The following PCDHGC5 variants were observed in gnomAD, a reference collection of about 807,000 sequenced individuals.
PCDHGC5 encodes the protein protocadherin gamma-C5.
PCDHGC5 carries 25 observed loss-of-function variants against 59.0 expected under a neutral mutation model. The observed-to-expected ratio is 0.42, with a 90% CI of 0.31 to 0.59. The LOEUF (loss-of-function observed/expected upper bound fraction) is 0.59. Among genes scored for constraint, PCDHGC5 ranks in the 20% least tolerant of loss-of-function variants. The pLI is 0.13. For missense variants in PCDHGC5, 1,067 were observed against 1,206.4 expected, an observed-to-expected ratio of 0.88 and a Z score of 1.71; for synonymous variants, 434 against 505.5, an observed-to-expected ratio of 0.86 and a Z score of 1.90.
At chr5:141,510,795 G>A in intron 3 of PCDHGC5, 152 bp from the exon 4 acceptor site, 6 of 1,465,214 alleles carry the variant, frequency 4.1e-6, no homozygotes, top group Non-Finnish European at 5.5e-6. Context: ...CTTGTGAAGA[G>A]AGACTACCTT....
At position 141,494,852 on chromosome 5, in the gene PCDHGC5, C is replaced by T. The variant is rs755464933; in HGVS notation, c.2506C>T (p.Pro836Ser). ...TDWRFSQAQR[P>S]GTSGSQNGDD... is the part of the protein sequence containing the mutation. Reference sequence around the variant, plus strand: ...CTGGCGTTTCTCTCAGGCCCAGAGACCCGGCACCAGCGGGTAGGTGACTGA... The same window carrying T: ...CTGGCGTTTCTCTCAGGCCCAGAGATCCGGCACCAGCGGGTAGGTGACTGA... The change falls in exon 2 of 4, where the codon CCC (proline) becomes TCC (serine). Residue 836 changes from proline (P) to serine (S), a missense_variant. Coordinates refer to ENST00000252087, the MANE Select transcript of PCDHGC5 (RefSeq NM_018929.3). 6 of 1,614,042 alleles carry T rather than the reference C, an allele frequency of 3.7e-6. No homozygotes were observed. Among genetic ancestry groups the T allele is most frequent in the Admixed American group, 1.7e-5 (1 of 60,000 alleles).
intron 2 of PCDHGC5, among the ~76,000 whole-genome samples, chr5:141,502,537 G>A (rs900570745): frequency 2.0e-5 from 3 of 152,042 alleles, no homozygotes; most frequent in Admixed American, 6.6e-5. Context: ...GTTTGTTCGT[G>A]TGGTAAAAAC....
Position 141,491,045 on chromosome 5 carries a change from A to G in PCDHGC5, c.1805A>G (p.Asn602Ser), listed in dbSNP as rs1452139285. 2 of 1,613,970 alleles carry G rather than the reference A, an allele frequency of 1.2e-6. No individual in the cohort carries two copies. The highest frequency in any genetic ancestry group is 1.1e-5 in the South Asian group (1 of 91,090). The change falls in exon 1 of 4, where the codon AAT becomes AGT. Residue 602 changes from asparagine to serine, a missense_variant. Coordinates refer to ENST00000252087, the MANE Select transcript of PCDHGC5 (RefSeq NM_018929.3). This position sits in a 1 kb window ranked among gnomAD's most constrained non-coding sequence, Gnocchi z 6.9. ...VTAVDADAGHNAWLSYSLLPQ... is the reference protein window; with the variant it reads ...VTAVDADAGHSAWLSYSLLPQ... ...GCCGTGGATGCTGATGCAGGCCACA[A>G]TGCGTGGCTCTCCTACTCACTGTTG...
chr5:141,509,292 T>A (rs1407798154), intron 3 of PCDHGC5, among the ~76,000 whole-genome samples: 1 of 152,028 alleles, frequency 6.6e-6, no homozygotes, highest in Non-Finnish European at 1.5e-5. Context: ...GGGTCCAGGG[T>A]GGAGGCAGAG....
Position 141,491,712 on chromosome 5 carries a change from G to C in PCDHGC5, c.2460+12G>C. 3.1e-6 allele frequency: 5 copies of C among 1,609,408 alleles called. No individual in the cohort carries two copies. Among genetic ancestry groups the C allele is most frequent in the Middle Eastern group, 1.7e-4 (1 of 6,024 alleles). ...GGGAGCGGAGCCAGGTGAGGGGCTCGGCGCCGCCCCGGGCGACCCCTGGGG... is the reference window on the plus strand; with the variant it reads ...GGGAGCGGAGCCAGGTGAGGGGCTCCGCGCCGCCCCGGGCGACCCCTGGGG... On this transcript the variant is annotated intron_variant, in intron 1 of 3. Transcript: ENST00000252087. The surrounding 1 kb of genome is among the most constrained non-coding windows in gnomAD (Gnocchi z 6.9).
rs189734474 is a variant in PCDHGC5, at chr5:141,512,858, G to T, written c.*1685G>T. 1 of 152,296 alleles carries T rather than the reference G, an allele frequency of 6.6e-6. No individual in the cohort carries two copies. The highest frequency in any genetic ancestry group is 1.9e-4 in the East Asian group (1 of 5,182). 9.4% of individuals were successfully genotyped at this position (152,296 alleles called of 1,614,324 possible). ...ACTTCTCCTATAAGCGCTTCTCTTC[G>T]CATAGTCACGTAGCTCCCACCCCAC... On this transcript the variant is annotated 3_prime_UTR_variant, in exon 4 of 4. Coordinates refer to ENST00000252087, the MANE Select transcript of PCDHGC5 (RefSeq NM_018929.3).
chr5:141,511,793 G>A lies in PCDHGC5; in HGVS notation c.*620G>A, dbSNP rs2099883948. The stretch of plus-strand genomic sequence containing the variant: ...TACTGATGCTTGCTGGATTTAGGGA[G>A]GGCATTTTGCTACCAAGCCTCTTCC... On this transcript the variant is annotated 3_prime_UTR_variant, in exon 4 of 4. Coordinates refer to ENST00000252087, the MANE Select transcript of PCDHGC5 (RefSeq NM_018929.3). 6.4e-6 allele frequency: 1 copy of A among 157,066 alleles called. No homozygotes were observed. The highest frequency in any genetic ancestry group is 2.4e-5 in the African/African-American group (1 of 41,492). 9.7% of individuals were successfully genotyped at this position (157,066 alleles called of 1,614,324 possible). A position where few individuals can be genotyped will look rare whatever the true frequency, so the allele number is the denominator to read the frequency against.
Position 141,511,913 on chromosome 5 carries a change from A to G in PCDHGC5, c.*740A>G, listed in dbSNP as rs1190072814. On this transcript the variant is annotated 3_prime_UTR_variant, in exon 4 of 4. Coordinates refer to ENST00000252087, the MANE Select transcript of PCDHGC5 (RefSeq NM_018929.3). ...CCCCCACCTCCTCCTCAAACAAGAG[A>G]CTCCACTGCATGTTCCAAGACAGTA... is the stretch of plus-strand genomic sequence containing the variant. The G allele has an allele frequency of 6.4e-6, 1 of 156,050 alleles. No individual in the cohort carries two copies. The highest frequency in any genetic ancestry group is 2.4e-5 in the African/African-American group (1 of 41,402). The allele number at this position is 156,050 out of a possible 1,614,324, so 9.7% of individuals were successfully genotyped here.
At chr5:141,495,804 T>G (rs894259635) in intron 2 of PCDHGC5, among the ~76,000 whole-genome samples, 1 of 152,168 alleles carries the variant, frequency 6.6e-6, no homozygotes, top group South Asian at 2.1e-4. Flanking sequence ...TTTCACCGTT[T>G]CCTAGCGCCT....
intron 2 of PCDHGC5, among the ~76,000 whole-genome samples, chr5:141,503,598 CAA>C (rs765754054): frequency 2.7e-4 from 18 of 65,718 alleles, no homozygotes; most frequent in Admixed American, 6.9e-4. Flanking sequence ...GACTCCAGCT[CAA>C]AAAAAAAAAA....
chr5:141,491,564 G>A lies in PCDHGC5; in HGVS notation c.2324G>A (p.Arg775Lys), dbSNP rs2099721154. The change falls in exon 1 of 4, where the codon AGG (arginine) becomes AAG (lysine). Residue 775 changes from arginine to lysine, a missense_variant. By Grantham distance (26) the Arg-to-Lys change is conservative. Coordinates refer to ENST00000252087, the MANE Select transcript of PCDHGC5 (RefSeq NM_018929.3). The surrounding 1 kb of genome is among the most constrained non-coding windows in gnomAD (Gnocchi z 6.9). ...RPTDSQSHCYRTCFSPASDGS... is the reference protein window; with the variant it reads ...RPTDSQSHCYKTCFSPASDGS... Reference sequence around the variant, plus strand: ...ACAGACTCGCAGAGCCACTGCTACAGGACGTGCTTTTCACCGGCCTCGGAC... The same window carrying A: ...ACAGACTCGCAGAGCCACTGCTACAAGACGTGCTTTTCACCGGCCTCGGAC... The A allele has an allele frequency of 3.1e-6, 5 of 1,613,878 alleles. No individual in the cohort carries two copies. Among genetic ancestry groups the A allele is most frequent in the Non-Finnish European group, 8.5e-7 (1 of 1,180,042 alleles).
chr5:141,505,911 A>C (rs2099849083), intron 3 of PCDHGC5, among the ~76,000 whole-genome samples: 1 of 152,154 alleles, frequency 6.6e-6, no homozygotes, highest in South Asian at 2.1e-4. Flanking sequence ...CAAAGCATAG[A>C]GTTCTGGGCC....
intron 2 of PCDHGC5, among the ~76,000 whole-genome samples, chr5:141,500,212 ATT>A (rs1336187706): frequency 5.4e-5 from 8 of 148,798 alleles, no homozygotes; most frequent in African/African-American, 2.0e-4. Context: ...TTATTTATTT[ATT>A]TATTTATTTA....
rs1229317913 is a variant in PCDHGC5 at position 141,489,752 on chromosome 5, C to T, written c.512C>T (p.Thr171Ile). ...DVGTNTVSFY[T>I]LSPNSHFSLN... ...GGCACCAATACTGTGAGCTTTTACACTCTAAGCCCCAACAGCCACTTCTCT... is the reference window on the plus strand; with the variant it reads ...GGCACCAATACTGTGAGCTTTTACATTCTAAGCCCCAACAGCCACTTCTCT... The change falls in exon 1 of 4, where the codon ACT (threonine) becomes ATT (isoleucine). Residue 171 changes from threonine (T) to isoleucine (I), a missense_variant. Thr to Ile is a moderately conservative substitution (Grantham distance 89). Transcript: ENST00000252087. The surrounding 1 kb of genome is among the most constrained non-coding windows in gnomAD (Gnocchi z 4.5). 1.2e-6 allele frequency: 2 copies of T among 1,614,018 alleles called. No individual in the cohort carries two copies. Among genetic ancestry groups the T allele is most frequent in the Non-Finnish European group, 1.7e-6 (2 of 1,179,980 alleles).
chr5:141,508,723 G>A (rs941469412), intron 3 of PCDHGC5, among the ~76,000 whole-genome samples: 2 of 151,814 alleles, frequency 1.3e-5, no homozygotes, highest in African/African-American at 4.8e-5. Context: ...TGTGTGCAGG[G>A]AGACTACACC....
In PCDHGC5 at chr5:141,489,584, A is replaced by G. The variant is rs775720718; in HGVS notation, c.344A>G (p.Glu115Gly). ...PVQVVTEHPL[E>G]LIRVEVEILD... Reference sequence around the variant, plus strand: ...CAGGTGGTGACTGAACACCCCCTGGAGCTAATCCGTGTAGAGGTAGAGATC... The same window carrying G: ...CAGGTGGTGACTGAACACCCCCTGGGGCTAATCCGTGTAGAGGTAGAGATC... Residue 115 changes from glutamate (E) to glycine (G), a missense_variant, in exon 1 of 4, where the codon GAG (glutamate) becomes GGG (glycine). Glu to Gly is a moderately conservative substitution (Grantham distance 98, BLOSUM62 -2). Coordinates refer to ENST00000252087, the MANE Select transcript of PCDHGC5 (RefSeq NM_018929.3). The surrounding 1 kb of genome is among the most constrained non-coding windows in gnomAD (Gnocchi z 4.5). The G allele has an allele frequency of 6.2e-7, 1 of 1,614,054 alleles. No homozygotes were observed. Among genetic ancestry groups the G allele is most frequent in the South Asian group, 1.1e-5 (1 of 91,078 alleles).
chr5:141,505,143 C>G lies in PCDHGC5; in HGVS notation c.2520-250C>G, dbSNP rs578261428. ...CGCCACTGCACTCCAGCCTGGATGA[C>G]AGAGTAAGACCCTGTCTAAAACAAA... On this transcript the variant is annotated intron_variant, in intron 2 of 3. Coordinates refer to ENST00000252087, the MANE Select transcript of PCDHGC5 (RefSeq NM_018929.3). Among the ~76,000 whole-genome samples the G allele has an allele frequency of 3.3e-5, 5 of 152,290 alleles. No homozygotes were observed. The East Asian group carries it at 7.7e-4, about 24-fold the overall frequency.
Position 141,505,374 on chromosome 5 carries a change from C to T in PCDHGC5, c.2520-19C>T. The T allele has an allele frequency of 2.5e-6, 4 of 1,614,004 alleles. No homozygotes were observed. Among genetic ancestry groups the T allele is most frequent in the Non-Finnish European group, 2.5e-6 (3 of 1,179,944 alleles). On this transcript the variant is annotated intron_variant, in intron 2 of 3. Coordinates refer to ENST00000252087, the MANE Select transcript of PCDHGC5 (RefSeq NM_018929.3). Reference sequence around the variant, plus strand: ...TGCCGGCCTGGGAGTCTGTGCTCACCATCCTACTCTCTCCCCAGCTCCCAA... The same window carrying T: ...TGCCGGCCTGGGAGTCTGTGCTCACTATCCTACTCTCTCCCCAGCTCCCAA...
intron 3 of PCDHGC5, among the ~76,000 whole-genome samples, chr5:141,508,439 T>C (rs1037512760): frequency 1.3e-5 from 2 of 152,188 alleles, no homozygotes; most frequent in African/African-American, 4.8e-5. Flanking sequence ...ACACAGTTCC[T>C]TAGTGGCAGA....
Sources: allele counts gnomAD v4.1 joint callset (sites outside exome capture counted in the v4.1 genomes callset), GRCh38; gene constraint gnomAD v4.1.1; non-coding constraint Gnocchi (gnomAD v3.1); transcripts MANE v1.5; gene names NCBI Gene and HGNC (gene_info 2026-07-23, HGNC 2026-07-21).